The following ATG7 variants were observed in gnomAD, a reference collection of about 807,000 sequenced individuals.
ATG7 encodes autophagy related 7, also known as ubiquitin-like modifier-activating enzyme ATG7.
ATG7 carries 70 observed loss-of-function variants against 82.4 expected under a neutral mutation model. The observed-to-expected ratio is 0.85, with a 90% CI of 0.70 to 1.04. The LOEUF (loss-of-function observed/expected upper bound fraction) is 1.04. Among genes scored for constraint, ATG7 ranks in the 50% least tolerant of loss-of-function variants. The pLI is 0.00. For synonymous variants in ATG7, 287 were observed against 313.0 expected (o/e 0.92, Z 0.88); for missense variants, 792 against 864.3 (o/e 0.92, Z 1.05).
At chr3:11,360,834 C>T in intron 16 of ATG7, 50 bp downstream of exon 16, 1 of 1,587,166 alleles carries the variant, frequency 6.3e-7, no homozygotes, top group Non-Finnish European at 8.6e-7. Flanking sequence ...CCAACTTGTA[C>T]ACTGAGGCAG....
chr3:11,288,702 A>G (rs1454162305), intron 3 of ATG7: 3 of 152,226 alleles, frequency 2.0e-5, no homozygotes, highest in Admixed American at 1.3e-4. Context: ...TTGATCTTAA[A>G]AAACAAAAGA....
intron 20 of ATG7, among the ~76,000 whole-genome samples, chr3:11,544,376 C>T (rs962065018): frequency 6.6e-5 from 10 of 152,216 alleles, no homozygotes; most frequent in Non-Finnish European, 1.3e-4. Flanking sequence ...CTGCAGAGCC[C>T]CACAGCTACT....
chr3:11,489,949 T>C (rs1466464126), intron 20 of ATG7, among the ~76,000 whole-genome samples: 2 of 152,000 alleles, frequency 1.3e-5, no homozygotes, highest in Non-Finnish European at 2.9e-5. Flanking sequence ...AAAATGTATA[T>C]TCTATTGATT....
chr3:11,393,585 C>T (rs2078985261), intron 19 of ATG7, among the ~76,000 whole-genome samples: 1 of 152,138 alleles, frequency 6.6e-6, no homozygotes, highest in Non-Finnish European at 1.5e-5. Flanking sequence ...TGTCAACTGA[C>T]CTTTGGCCTG....
chr3:11,280,934 T>C (rs561300054), intron 1 of ATG7, 60 bp from the exon 2 acceptor site: 34 of 152,344 alleles, frequency 2.2e-4, no homozygotes, highest in African/African-American at 7.9e-4. Context: ...ATTAATTCAG[T>C]AACCAAGATC....
At chr3:11,295,107 G>T (rs1203046565) in intron 3 of ATG7, among the ~76,000 whole-genome samples, 2 of 152,092 alleles carry the variant, frequency 1.3e-5, no homozygotes, top group Non-Finnish European at 2.9e-5. Flanking sequence ...GCAAGACTCT[G>T]TCTCAGAGAA....
chr3:11,395,253 G>A (rs570302965), intron 19 of ATG7, among the ~76,000 whole-genome samples: 1 of 152,082 alleles, frequency 6.6e-6, no homozygotes, highest in East Asian at 1.9e-4. Flanking sequence ...AAAGGTAGAA[G>A]ATAGAGTGAG....
chr3:11,481,279 T>C (rs533585535), intron 20 of ATG7, among the ~76,000 whole-genome samples: 13 of 152,350 alleles, frequency 8.5e-5, no homozygotes, highest in African/African-American at 3.1e-4. Context: ...CACTTAACGC[T>C]ACTGAACTGT....
chr3:11,414,544 T>G (rs1266254011), intron 19 of ATG7, among the ~76,000 whole-genome samples: 1 of 152,230 alleles, frequency 6.6e-6, no homozygotes, highest in Non-Finnish European at 1.5e-5. Context: ...TATTTCTTTT[T>G]CTTGTCTTAT....
intron 20 of ATG7, among the ~76,000 whole-genome samples, chr3:11,440,674 C>CTT (rs72177700): frequency 0.46 from 17,839 of 39,064 alleles, 7,423 homozygotes; most frequent in East Asian, 0.57. Context: ...TCCCCATTTG[C>CTT]TTTTTTTTTT....
At chr3:11,465,836 A>C (rs2086777502) in intron 20 of ATG7, among the ~76,000 whole-genome samples, 1 of 152,022 alleles carries the variant, frequency 6.6e-6, no homozygotes, top group Non-Finnish European at 1.5e-5. Context: ...AAAATTAAAA[A>C]CCCAGGGATA....
chr3:11,496,350 T>C (rs2090834574), intron 20 of ATG7, among the ~76,000 whole-genome samples: 1 of 152,196 alleles, frequency 6.6e-6, no homozygotes, highest in Non-Finnish European at 1.5e-5. Flanking sequence ...ATTGCTTGCA[T>C]AAACTCATTG....
chr3:11,529,689 CT>C (rs1295964653), intron 20 of ATG7: 1 of 153,324 alleles, frequency 6.5e-6, no homozygotes, highest in Admixed American at 6.5e-5. Context: ...ATAATTGAGG[CT>C]TCACCTGGTT....
chr3:11,273,767 ATAG>A (rs1017444211), intron 1 of ATG7, among the ~76,000 whole-genome samples: 4 of 152,284 alleles, frequency 2.6e-5, no homozygotes, highest in South Asian at 2.1e-4. Flanking sequence ...CCTTCTAATA[ATAG>A]TGGTGGTGGT....
chr3:11,328,299 T>G (rs1219952484), intron 9 of ATG7, among the ~76,000 whole-genome samples: 2 of 152,220 alleles, frequency 1.3e-5, no homozygotes, highest in African/African-American at 2.4e-5. Flanking sequence ...GAGGGTTGAG[T>G]ACTTTTCCCT....
intron 19 of ATG7, among the ~76,000 whole-genome samples, chr3:11,414,237 T>A (rs1288375628): frequency 6.6e-6 from 1 of 152,144 alleles, no homozygotes; most frequent in African/African-American, 2.4e-5. Context: ...AGCTAATTTT[T>A]AAATTTTTAG....
intron 20 of ATG7, among the ~76,000 whole-genome samples, chr3:11,472,153 A>C (rs2153017319): frequency 6.6e-6 from 1 of 152,280 alleles, no homozygotes. Flanking sequence ...TTTGTTCTTA[A>C]ACCTGAAAAA....
At chr3:11,350,266 G>A (rs1407138848) in intron 14 of ATG7, among the ~76,000 whole-genome samples, 1 of 152,168 alleles carries the variant, frequency 6.6e-6, no homozygotes, top group Non-Finnish European at 1.5e-5. Context: ...TGTGCTAAAT[G>A]CTGAAAAAAA....
At chr3:11,420,863 C>A (rs1297466041) in intron 19 of ATG7, among the ~76,000 whole-genome samples, 1 of 148,202 alleles carries the variant, frequency 6.7e-6, no homozygotes, top group Non-Finnish European at 1.5e-5. Context: ...TCATGCCATT[C>A]TCCTGCCTCA....
Sources: allele counts gnomAD v4.1 joint callset (sites outside exome capture counted in the v4.1 genomes callset), GRCh38; gene constraint gnomAD v4.1.1; transcripts MANE v1.5; gene names NCBI Gene and HGNC (gene_info 2026-07-23, HGNC 2026-07-21).